Variants in UBTD2 observed in about 807,000 individuals in gnomAD.
UBTD2 encodes the protein ubiquitin domain-containing protein 2.
Under a neutral mutation model 19.8 loss-of-function variants are expected in UBTD2, and 9 were observed. That is an observed-to-expected ratio of 0.46 (90% CI 0.27 to 0.79). The LOEUF (loss-of-function observed/expected upper bound fraction) is 0.79. Ranked by LOEUF, UBTD2 falls within the 30% of genes least tolerant of loss-of-function variation. The pLI is 0.14. For synonymous variants in UBTD2, 98 were observed against 103.9 expected (o/e 0.94, Z 0.35); for missense variants, 250 against 300.4 (o/e 0.83, Z 1.24).
At chr5:172,232,659 G>C (rs1011713889) in intron 2 of UBTD2, among the ~76,000 whole-genome samples, 2 of 151,844 alleles carry the variant, frequency 1.3e-5, no homozygotes, top group African/African-American at 2.4e-5. Flanking sequence ...CCAGGAGTTC[G>C]AGATCATCTG....
intron 1 of UBTD2, among the ~76,000 whole-genome samples, chr5:172,266,557 A>G (rs1031691811): frequency 6.6e-6 from 1 of 152,134 alleles, no homozygotes; most frequent in Non-Finnish European, 1.5e-5. Context: ...GGTTAAACAT[A>G]AGTCTGTTCC....
chr5:172,277,927 T>TG (rs1017507837), intron 1 of UBTD2, among the ~76,000 whole-genome samples: 1 of 148,628 alleles, frequency 6.7e-6, no homozygotes, highest in Non-Finnish European at 1.5e-5. Context: ...GATATATAAA[T>TG]GGACATGAAA....
chr5:172,244,792 G>A (rs1488420647), intron 1 of UBTD2, among the ~76,000 whole-genome samples: 1 of 151,562 alleles, frequency 6.6e-6, no homozygotes, highest in Admixed American at 6.6e-5. Flanking sequence ...GCAATGGTGC[G>A]ATCTCGGCTC....
In UBTD2 at chr5:172,212,085, A is replaced by G. The variant is rs778836537; in HGVS notation, c.450T>C (p.Tyr150=). The part of the protein sequence containing the change: ...DIPEPPPNSG[Y]ECQLRLRLST... ...AAAGGCGCAAACGAAGCTGACATTCATATCCAGAATTGGGTGGTGGCTCAG... is the reference window on the plus strand; with the variant it reads ...AAAGGCGCAAACGAAGCTGACATTCGTATCCAGAATTGGGTGGTGGCTCAG... The change falls in exon 3 of 3, where the codon TAT becomes TAC. Residue 150 remains tyrosine, a synonymous_variant. Coordinates refer to ENST00000393792, the MANE Select transcript of UBTD2 (RefSeq NM_152277.3). The G allele has an allele frequency of 5.6e-6, 9 of 1,614,190 alleles. No individual in the cohort carries two copies. In the Admixed American group the frequency reaches 1.3e-4, roughly 24 times the overall value.
intron 1 of UBTD2, among the ~76,000 whole-genome samples, chr5:172,248,575 G>A (rs1475919923): frequency 8.6e-5 from 13 of 151,010 alleles, no homozygotes; most frequent in African/African-American, 3.2e-4. Flanking sequence ...GCGACAGAGC[G>A]AGACTCCGTC....
At chr5:172,254,374 G>A (rs982734059) in intron 1 of UBTD2, 2 of 292,974 alleles carry the variant, frequency 6.8e-6, no homozygotes, top group Admixed American at 5.6e-5. Context: ...TGGGATTACA[G>A]GCGTGAGCCA....
chr5:172,219,169 A>C (rs1771606211), intron 2 of UBTD2, among the ~76,000 whole-genome samples: 1 of 152,226 alleles, frequency 6.6e-6, no homozygotes. Context: ...AAAAGAACCA[A>C]TTCCAGATGG....
chr5:172,283,888 G>T, upstream of UBTD2: 1 of 163,082 alleles, frequency 6.1e-6, no homozygotes, highest in South Asian at 1.9e-4. This position sits in a 1 kb window ranked among gnomAD's most constrained non-coding sequence, Gnocchi z 4.3. Flanking sequence ...CCGCCCGCCC[G>T]GCAGGCCTGG....
chr5:172,263,061 C>G (rs1187087294), intron 1 of UBTD2, among the ~76,000 whole-genome samples: 1 of 151,998 alleles, frequency 6.6e-6, no homozygotes, highest in East Asian at 1.9e-4. Flanking sequence ...CCTCAGCCCC[C>G]CAAGTAGCTG....
chr5:172,246,231 T>C (rs415915), intron 1 of UBTD2, among the ~76,000 whole-genome samples: 4,884 of 151,592 alleles, frequency 0.032, 88 homozygotes, highest in Non-Finnish European at 0.046. Flanking sequence ...AAATGAAAAA[T>C]AGAAAATCTA....
chr5:172,276,212 T>G (rs1284683412), intron 1 of UBTD2, among the ~76,000 whole-genome samples: 1 of 151,488 alleles, frequency 6.6e-6, no homozygotes, highest in African/African-American at 2.4e-5. Context: ...CAGAGATTTT[T>G]TTTTCCCTGT....
chr5:172,227,088 C>G (rs989957604), intron 2 of UBTD2, among the ~76,000 whole-genome samples: 1 of 152,124 alleles, frequency 6.6e-6, no homozygotes, highest in African/African-American at 2.4e-5. Context: ...TAAAGCTGAT[C>G]TGGCTTTACA....
At chr5:172,225,280 A>C (rs1168111461) in intron 2 of UBTD2, among the ~76,000 whole-genome samples, 1 of 152,108 alleles carries the variant, frequency 6.6e-6, no homozygotes, top group Non-Finnish European at 1.5e-5. Context: ...AGTTGTTTCT[A>C]TTTATCTTTT....
chr5:172,265,784 C>A (rs187609014), intron 1 of UBTD2, among the ~76,000 whole-genome samples: 10 of 152,266 alleles, frequency 6.6e-5, no homozygotes, highest in Admixed American at 5.9e-4. Context: ...TCAGACAAAA[C>A]CCTTGCCTTC....
intron 1 of UBTD2, among the ~76,000 whole-genome samples, chr5:172,275,741 C>T (rs542023325): frequency 2.0e-5 from 3 of 152,264 alleles, no homozygotes; most frequent in Non-Finnish European, 2.9e-5. Context: ...TCTAAATTTC[C>T]GTACCACACT....
chr5:172,256,027 T>A (rs997920510), intron 1 of UBTD2, among the ~76,000 whole-genome samples: 1 of 149,874 alleles, frequency 6.7e-6, no homozygotes, highest in African/African-American at 2.5e-5. Context: ...AGGCGAAGGT[T>A]GCAGTGAGCC....
At chr5:172,253,430 T>C (rs1755068062) in intron 1 of UBTD2, among the ~76,000 whole-genome samples, 1 of 151,680 alleles carries the variant, frequency 6.6e-6, no homozygotes, top group Non-Finnish European at 1.5e-5. Flanking sequence ...ACTGACAAAA[T>C]TGATATTGTC....
At chr5:172,254,108 T>C (rs1363777118) in intron 1 of UBTD2, among the ~76,000 whole-genome samples, 1 of 152,116 alleles carries the variant, frequency 6.6e-6, no homozygotes, top group Non-Finnish European at 1.5e-5. Context: ...TCCTTTTTTC[T>C]TTTTCTTTTG....
chr5:172,282,480 T>C (rs977133401), intron 1 of UBTD2, among the ~76,000 whole-genome samples: 27 of 152,210 alleles, frequency 1.8e-4, no homozygotes, highest in African/African-American at 6.3e-4. Context: ...TAGGTGTACA[T>C]GGTTTGTGAA....
Sources: gnomAD v4.1 joint callset for allele counts (sites outside exome capture counted in the v4.1 genomes callset) on GRCh38, gnomAD v4.1.1 for gene constraint, Gnocchi (gnomAD v3.1) non-coding constraint, MANE v1.5 for transcripts, NCBI Gene and HGNC (gene_info 2026-07-23, HGNC 2026-07-21) for gene names.